The following PCDHA9 variants were observed in gnomAD, a reference collection of about 807,000 sequenced individuals.
PCDHA9 encodes the protein protocadherin alpha-9.
In PCDHA9, 62 loss-of-function variants were observed where a neutral mutation model predicts 62.0. The ratio of observed to expected loss-of-function variants is 1.00; its 90% CI spans 0.81 to 1.23. PCDHA9 has a LOEUF of 1.23. PCDHA9 is among the 50% of genes most tolerant of loss of function. The pLI, the probability that PCDHA9 is intolerant of heterozygous loss-of-function variation, is 0.00. For missense variants in PCDHA9, 1,205 were observed against 1,249.8 expected (o/e 0.96, Z 0.54); for synonymous variants, 557 against 567.6 (o/e 0.98, Z 0.27).
rs1554144277 is a variant in PCDHA9 at position 140,850,403 on chromosome 5, C to T, written c.1908C>T (p.Ala636=). 5 of 1,597,838 alleles carry T rather than the reference C, an allele frequency of 3.1e-6. No homozygotes were observed. The highest frequency in any genetic ancestry group is 2.7e-5 in the African/African-American group (2 of 74,288). ...LYTGEISTTR[A]LDETDAPRQR... is the part of the protein sequence containing the mutation. The stretch of plus-strand genomic sequence containing the variant: ...CGGGCGAGATCAGCACAACGCGTGC[C>T]CTGGACGAAACGGACGCACCGCGCC... Residue 636 remains alanine, a synonymous_variant, in exon 1 of 4, where the codon GCC becomes GCT. Transcript: ENST00000532602.
intron 1 of PCDHA9, among the ~76,000 whole-genome samples, chr5:140,978,653 G>T (rs527551897): frequency 6.6e-6 from 1 of 152,196 alleles, no homozygotes; most frequent in Non-Finnish European, 1.5e-5. Flanking sequence ...TGTTCTTCCC[G>T]TAGTGTTTTA....
chr5:140,988,299 G>A (rs2097291981), intron 3 of PCDHA9, among the ~76,000 whole-genome samples: 2 of 152,218 alleles, frequency 1.3e-5, no homozygotes, highest in Non-Finnish European at 2.9e-5. Context: ...GCCCAGGAGT[G>A]CCAGCTTGGC....
At chr5:140,864,401 G>T (rs570935613) in intron 1 of PCDHA9, 2 of 152,328 alleles carry the variant, frequency 1.3e-5, no homozygotes, top group South Asian at 4.1e-4. Context: ...ATGGTGATGA[G>T]CAGGGTTGAG....
At chr5:140,858,079 C>T in intron 1 of PCDHA9, 5 of 1,597,852 alleles carry the variant, frequency 3.1e-6, no homozygotes, top group Non-Finnish European at 4.3e-6. Context: ...CACCCAAGGC[C>T]TCGTCGCGGG....
rs550730996 is a variant in PCDHA9, at chr5:140,982,280, G to T, written c.2454-195G>T. The T allele has an allele frequency of 2.1e-5, 21 of 1,007,278 alleles. No homozygotes were observed. The Admixed American group carries it at 5.3e-4, about 25-fold the overall frequency. 62.4% of individuals were successfully genotyped at this position (1,007,278 alleles called of 1,614,324 possible). A position where few individuals can be genotyped will look rare whatever the true frequency, so the allele number is the denominator to read the frequency against. ...GTGTGTTCCTGGAATAGTATAGCAGGCAATAAGTAAGTCAGCAATGCTTCT... is the reference window on the plus strand; with the variant it reads ...GTGTGTTCCTGGAATAGTATAGCAGTCAATAAGTAAGTCAGCAATGCTTCT... On this transcript the variant is annotated intron_variant, in intron 2 of 3. Transcript: ENST00000532602.
At chr5:140,902,702 C>T (rs78828243) in intron 1 of PCDHA9, among the ~76,000 whole-genome samples, 7,835 of 152,116 alleles carry the variant, frequency 0.052, 268 homozygotes, top group Admixed American at 0.075. Flanking sequence ...AGTCTTTTAT[C>T]TTTCACTCCC....
chr5:140,925,917 A>T (rs1480980894), intron 1 of PCDHA9, among the ~76,000 whole-genome samples: 1 of 151,098 alleles, frequency 6.6e-6, no homozygotes, highest in African/African-American at 2.5e-5. Context: ...CCGTTTGCAA[A>T]GCACTCCCAA....
intron 1 of PCDHA9, among the ~76,000 whole-genome samples, chr5:140,944,361 A>G (rs1463339181): frequency 6.6e-6 from 1 of 151,888 alleles, no homozygotes; most frequent in Non-Finnish European, 1.5e-5. Flanking sequence ...CTAATTTTTA[A>G]TTTTTTATAG....
At chr5:140,952,529 G>A (rs1404753711) in intron 1 of PCDHA9, among the ~76,000 whole-genome samples, 1 of 152,084 alleles carries the variant, frequency 6.6e-6, no homozygotes, top group East Asian at 1.9e-4. Context: ...GACCTCCTCA[G>A]ACTGGACTTC....
chr5:140,888,287 C>T (rs1371852276), intron 1 of PCDHA9, among the ~76,000 whole-genome samples: 1 of 152,072 alleles, frequency 6.6e-6, no homozygotes, highest in African/African-American at 2.4e-5. Flanking sequence ...CCCCTCTACC[C>T]CCTACCCAGG....
chr5:140,908,604 C>T (rs1011069667), intron 1 of PCDHA9, among the ~76,000 whole-genome samples: 10 of 152,114 alleles, frequency 6.6e-5, no homozygotes, highest in African/African-American at 2.2e-4. Flanking sequence ...GATGGAAGGG[C>T]CTTGCTCCAA....
chr5:140,891,744 A>G (rs2063231419), intron 1 of PCDHA9, among the ~76,000 whole-genome samples: 1 of 152,070 alleles, frequency 6.6e-6, no homozygotes, highest in South Asian at 2.1e-4. Context: ...AATCCCTTAT[A>G]CAACAGTGTT....
chr5:140,924,052 A>G (rs948483906), intron 1 of PCDHA9, among the ~76,000 whole-genome samples: 1 of 152,244 alleles, frequency 6.6e-6, no homozygotes, highest in Non-Finnish European at 1.5e-5. Context: ...AGTTCGGTAC[A>G]TCTTTACAGT....
intron 1 of PCDHA9, among the ~76,000 whole-genome samples, chr5:140,959,621 A>G (rs1198133284): frequency 6.6e-6 from 1 of 152,152 alleles, no homozygotes; most frequent in African/African-American, 2.4e-5. Flanking sequence ...CTTGTGATAG[A>G]AAAAAAGAGA....
At chr5:140,980,196 A>T (rs1404667828) in intron 2 of PCDHA9, among the ~76,000 whole-genome samples, 1 of 152,214 alleles carries the variant, frequency 6.6e-6, no homozygotes, top group Non-Finnish European at 1.5e-5. Flanking sequence ...TTTATTAGAG[A>T]CCAACTTGTG....
chr5:140,896,959 T>C (rs1486927062), intron 1 of PCDHA9, among the ~76,000 whole-genome samples: 1 of 152,204 alleles, frequency 6.6e-6, no homozygotes, highest in Non-Finnish European at 1.5e-5. Context: ...CCTTAAACAT[T>C]TATTCTTTGC....
intron 1 of PCDHA9, among the ~76,000 whole-genome samples, chr5:140,908,870 T>C (rs1221082339): frequency 6.6e-6 from 1 of 152,136 alleles, no homozygotes; most frequent in Non-Finnish European, 1.5e-5. Flanking sequence ...ATGTGTTGCC[T>C]CCAAAATCCA....
chr5:140,857,076 A>C (rs782010117), intron 1 of PCDHA9: 1 of 1,596,990 alleles, frequency 6.3e-7, no homozygotes, highest in Admixed American at 1.7e-5. Flanking sequence ...CTGGATGAAA[A>C]TGATAATTCA....
intron 1 of PCDHA9, among the ~76,000 whole-genome samples, chr5:140,935,657 T>C (rs2090486652): frequency 1.3e-5 from 2 of 152,176 alleles, no homozygotes; most frequent in Non-Finnish European, 2.9e-5. Flanking sequence ...TTTAATTTTC[T>C]TTTATAATTA....
Sources: allele counts gnomAD v4.1 joint callset (sites outside exome capture counted in the v4.1 genomes callset), GRCh38; gene constraint gnomAD v4.1.1; transcripts MANE v1.5; gene names NCBI Gene and HGNC (gene_info 2026-07-23, HGNC 2026-07-21).